HS6ST3: variants seen among roughly 807,000 people sequenced by gnomAD.
The protein encoded by HS6ST3 is heparan sulfate 6-O-sulfotransferase 3.
HS6ST3 carries 12 observed loss-of-function variants against 36.7 expected under a neutral mutation model. The observed-to-expected ratio is 0.33, with a 90% CI of 0.21 to 0.53. HS6ST3 has a LOEUF of 0.53. Among genes scored for constraint, HS6ST3 ranks in the 20% least tolerant of loss-of-function variants. HS6ST3 has a pLI of 0.95. For synonymous variants in HS6ST3, 240 were observed against 257.5 expected (o/e 0.93, Z 0.65); for missense variants, 584 against 640.9 (o/e 0.91, Z 0.96).
chr13:96,490,681 T>C (rs374765865), intron 1 of HS6ST3, among the ~76,000 whole-genome samples: 3 of 152,328 alleles, frequency 2.0e-5, no homozygotes, highest in East Asian at 3.9e-4. Flanking sequence ...GCATATTTTA[T>C]TGAATCGCCT....
intron 1 of HS6ST3, among the ~76,000 whole-genome samples, chr13:96,825,017 G>T (rs1293374655): frequency 1.3e-5 from 2 of 152,198 alleles, no homozygotes; most frequent in Non-Finnish European, 2.9e-5. Context: ...CTCTGGTTTT[G>T]TGGGGCAATG....
intron 1 of HS6ST3, among the ~76,000 whole-genome samples, chr13:96,551,612 T>A (rs1382935552): frequency 6.6e-6 from 1 of 152,170 alleles, no homozygotes; most frequent in Non-Finnish European, 1.5e-5. Flanking sequence ...TTGTAAATAC[T>A]CAAGAGAGCA....
chr13:96,688,870 T>C (rs575543528), intron 1 of HS6ST3, among the ~76,000 whole-genome samples: 1 of 152,178 alleles, frequency 6.6e-6, no homozygotes, highest in South Asian at 2.1e-4. Context: ...CTGAGCATCC[T>C]CCTCACTACT....
chr13:96,410,280 A>G (rs1225303077), intron 1 of HS6ST3, among the ~76,000 whole-genome samples: 1 of 152,170 alleles, frequency 6.6e-6, no homozygotes, highest in Non-Finnish European at 1.5e-5. Context: ...ATAATAATAT[A>G]ATAATGAAGT....
chr13:96,376,411 G>C (rs1455317909), intron 1 of HS6ST3, among the ~76,000 whole-genome samples: 1 of 152,134 alleles, frequency 6.6e-6, no homozygotes, highest in Non-Finnish European at 1.5e-5. Context: ...CAGTCAGACT[G>C]CAAAGTGATT....
At chr13:96,178,154 G>A (rs1235723728) in intron 1 of HS6ST3, among the ~76,000 whole-genome samples, 3 of 152,054 alleles carry the variant, frequency 2.0e-5, no homozygotes, top group Middle Eastern at 3.2e-3. Flanking sequence ...GATTGGCCAC[G>A]AATTAATACT....
At chr13:96,144,345 T>C (rs1366095060) in intron 1 of HS6ST3, among the ~76,000 whole-genome samples, 5 of 152,166 alleles carry the variant, frequency 3.3e-5, no homozygotes, top group African/African-American at 1.2e-4. Flanking sequence ...GCTTCCAAAC[T>C]TTTGATGCAT....
chr13:96,421,722 C>A (rs1258611821), intron 1 of HS6ST3, among the ~76,000 whole-genome samples: 1 of 152,148 alleles, frequency 6.6e-6, no homozygotes, highest in African/African-American at 2.4e-5. Flanking sequence ...TGAATGCCTT[C>A]CGTCTCCATG....
At chr13:96,160,250 T>C (rs939158708) in intron 1 of HS6ST3, among the ~76,000 whole-genome samples, 2 of 152,212 alleles carry the variant, frequency 1.3e-5, no homozygotes, top group Non-Finnish European at 2.9e-5. Context: ...GTTTATAGCT[T>C]TCTAAAGTCT....
Position 96,609,579 on chromosome 13 carries a change from G to T in HS6ST3, c.708-222911G>T, listed in dbSNP as rs1488678867. Among the ~76,000 whole-genome samples, 6 of 152,070 alleles carry T rather than the reference G, an allele frequency of 3.9e-5. No individual in the cohort carries two copies. The South Asian group carries it at 1.0e-3, about 26-fold the overall frequency. On this transcript the variant is annotated intron_variant, in intron 1 of 1. Coordinates refer to ENST00000376705, the MANE Select transcript of HS6ST3 (RefSeq NM_153456.4). The stretch of plus-strand genomic sequence containing the variant: ...GTCTGATATATATCTTATTGACGAG[G>T]TCTCTGTCAGTCAAGGCAGTGCTAT...
At chr13:96,681,127 CGAA>C (rs1321788613) in intron 1 of HS6ST3, among the ~76,000 whole-genome samples, 3 of 152,108 alleles carry the variant, frequency 2.0e-5, no homozygotes, top group African/African-American at 7.2e-5. Flanking sequence ...AGTTTTCACT[CGAA>C]GAAGAGTGCT....
At chr13:96,317,358 A>T (rs1807611708) in intron 1 of HS6ST3, among the ~76,000 whole-genome samples, 7 of 31,856 alleles carry the variant, frequency 2.2e-4, no homozygotes, top group African/African-American at 7.1e-4. Flanking sequence ...ATATATATAT[A>T]TATATATATA....
At chr13:96,175,515 T>A (rs2054208377) in intron 1 of HS6ST3, among the ~76,000 whole-genome samples, 2 of 152,102 alleles carry the variant, frequency 1.3e-5, no homozygotes, top group Non-Finnish European at 2.9e-5. Flanking sequence ...TTAAAAAAAA[T>A]ATTTCTGCCT....
chr13:96,245,317 G>C (rs1441453086), intron 1 of HS6ST3, among the ~76,000 whole-genome samples: 1 of 152,160 alleles, frequency 6.6e-6, no homozygotes, highest in East Asian at 1.9e-4. Context: ...GTCACCAAAA[G>C]TGAGTTACAG....
chr13:96,683,565 A>T (rs1325177180), intron 1 of HS6ST3, among the ~76,000 whole-genome samples: 1 of 152,084 alleles, frequency 6.6e-6, no homozygotes, highest in Non-Finnish European at 1.5e-5. Context: ...GCACTGTGGA[A>T]ACAGAACTGG....
At chr13:96,617,594 C>A (rs2056479079) in intron 1 of HS6ST3, among the ~76,000 whole-genome samples, 1 of 152,146 alleles carries the variant, frequency 6.6e-6, no homozygotes, top group African/African-American at 2.4e-5. Flanking sequence ...TTTAGCTGAG[C>A]CAGTAAAAGG....
At chr13:96,763,195 G>A (rs2138501484) in intron 1 of HS6ST3, among the ~76,000 whole-genome samples, 1 of 151,416 alleles carries the variant, frequency 6.6e-6, no homozygotes, top group Non-Finnish European at 1.5e-5. Context: ...TTTTACAAAG[G>A]TTTTTTAAAC....
At chr13:96,228,817 G>A (rs563078273) in intron 1 of HS6ST3, among the ~76,000 whole-genome samples, 11 of 152,226 alleles carry the variant, frequency 7.2e-5, no homozygotes, top group African/African-American at 1.4e-4. Context: ...AAAACAGAAC[G>A]TCATTAAAGG....
Position 96,836,674 on chromosome 13 carries a change from A to G in HS6ST3, c.*3476A>G, listed in dbSNP as rs1357087458. The stretch of plus-strand genomic sequence containing the variant: ...AGTAGAGATAGTACTAATATTGGCA[A>G]GAAGGTCCCCAGGATAGACCTAGCA... On this transcript the variant is annotated 3_prime_UTR_variant, in exon 2 of 2. Transcript: ENST00000376705. 1 of 152,218 alleles carries G rather than the reference A, an allele frequency of 6.6e-6. No individual in the cohort carries two copies. Among genetic ancestry groups the G allele is most frequent in the African/African-American group, 2.4e-5 (1 of 41,454 alleles). The allele number at this position is 152,218 out of a possible 1,614,324, so 9.4% of individuals were successfully genotyped here.
Sources: gnomAD v4.1 joint callset for allele counts (sites outside exome capture counted in the v4.1 genomes callset) on GRCh38, gnomAD v4.1.1 for gene constraint, MANE v1.5 for transcripts, NCBI Gene and HGNC (gene_info 2026-07-23, HGNC 2026-07-21) for gene names.